COL16A1: variants seen among roughly 807,000 people sequenced by gnomAD.
The protein encoded by COL16A1 is collagen alpha-1(XVI) chain.
Under a neutral mutation model 266.3 loss-of-function variants are expected in COL16A1, and 189 were observed. The ratio of observed to expected loss-of-function variants is 0.71; its 90% CI spans 0.63 to 0.80. The LOEUF (loss-of-function observed/expected upper bound fraction) is 0.80, where lower values mean the gene tolerates loss of function less well. Among genes scored for constraint, COL16A1 ranks in the 30% least tolerant of loss-of-function variants. The pLI is 0.00. For missense variants in COL16A1, 1,928 were observed against 2,122.4 expected, an observed-to-expected ratio of 0.91 and a Z score of 1.80; for synonymous variants, 740 against 782.3, an observed-to-expected ratio of 0.95 and a Z score of 0.90.
chr1:31,670,432 T>G lies in COL16A1; in HGVS notation c.3195+170A>C. On this transcript the variant is annotated intron_variant, in intron 49 of 70. Transcript: ENST00000373672. The surrounding 1 kb of genome is among the most constrained non-coding windows in gnomAD (Gnocchi z 4.5). ...GGAAAGGAGTCAGAGACTGGGAGGA[T>G]GTCCAAGCTGCCGGGACCTCAGAGA... The G allele has an allele frequency of 2.7e-6, 2 of 740,010 alleles. No homozygotes were observed. Among genetic ancestry groups the G allele is most frequent in the Non-Finnish European group, 3.9e-6 (2 of 513,478 alleles). The allele number at this position is 740,010 out of a possible 1,614,324, so 45.8% of individuals were successfully genotyped here.
chr1:31,700,521 A>G (rs1227292580), intron 2 of COL16A1, among the ~76,000 whole-genome samples: 1 of 152,224 alleles, frequency 6.6e-6, no homozygotes, highest in Admixed American at 6.5e-5. Flanking sequence ...CCTCCATGAC[A>G]TACACCCAGG....
At chr1:31,703,189 G>A (rs985321127) in intron 1 of COL16A1, among the ~76,000 whole-genome samples, 1 of 152,198 alleles carries the variant, frequency 6.6e-6, no homozygotes, top group Non-Finnish European at 1.5e-5. Flanking sequence ...ACCCACATGC[G>A]CACAGCCAGC....
intron 1 of COL16A1, among the ~76,000 whole-genome samples, chr1:31,703,464 TC>T (rs1401207336): frequency 1.3e-5 from 2 of 152,070 alleles, no homozygotes; most frequent in Non-Finnish European, 2.9e-5. Context: ...ATCCTGGTCT[TC>T]CTCCTGCCAG....
intron 68 of COL16A1, 103 bp downstream of exon 68, chr1:31,654,689 C>T: frequency 6.3e-7 from 1 of 1,597,610 alleles, no homozygotes; most frequent in South Asian, 1.1e-5. Flanking sequence ...AGGGTGAGAG[C>T]AGGAGGACAT....
At chr1:31,693,035 C>T in intron 13 of COL16A1, 57 bp downstream of exon 13, 2 of 1,207,854 alleles carry the variant, frequency 1.7e-6, no homozygotes, top group South Asian at 2.5e-5. Context: ...CACATCCCAC[C>T]TCACCCCAGG....
chr1:31,692,143 G>A (rs1644299372), intron 16 of COL16A1, 76 bp from the exon 17 acceptor site: 6 of 1,600,492 alleles, frequency 3.7e-6, no homozygotes, highest in South Asian at 1.1e-5. Flanking sequence ...CTGGTGGAGG[G>A]ACAACTGCCT....
At position 31,668,793 on chromosome 1, in the gene COL16A1, T is replaced by G. The variant is rs926521174; in HGVS notation, c.3249+9A>C. On this transcript the variant is annotated intron_variant, in intron 50 of 70. Transcript: ENST00000373672. This position sits in a 1 kb window ranked among gnomAD's most constrained non-coding sequence, Gnocchi z 5.8. ...CAGCCCTTTCCAGCCCCTGCCAGCTTCTTCTTACCGGCTCCCCCTTGTCTC... is the reference window on the plus strand; with the variant it reads ...CAGCCCTTTCCAGCCCCTGCCAGCTGCTTCTTACCGGCTCCCCCTTGTCTC... 3.7e-6 allele frequency: 6 copies of G among 1,613,528 alleles called. No individual in the cohort carries two copies. In the African/African-American group the frequency reaches 6.7e-5, roughly 18 times the overall value.
intron 66 of COL16A1, chr1:31,655,844 A>G (rs751618069): frequency 3.8e-5 from 13 of 339,848 alleles, no homozygotes; most frequent in East Asian, 3.3e-4. Flanking sequence ...CTCACTGGTG[A>G]TGATTCTCTG....
chr1:31,662,466 T>A, intron 57 of COL16A1, 79 bp from the exon 58 acceptor site: 1 of 1,567,650 alleles, frequency 6.4e-7, no homozygotes, highest in Non-Finnish European at 8.7e-7. Flanking sequence ...ACCCCTCAAT[T>A]CTCTCCACCC....
chr1:31,668,790 G>A lies in COL16A1; in HGVS notation c.3249+12C>T, dbSNP rs771631363. 3.7e-6 allele frequency: 6 copies of A among 1,613,648 alleles called. No homozygotes were observed. Among genetic ancestry groups the A allele is most frequent in the South Asian group, 3.3e-5 (3 of 91,080 alleles). On this transcript the variant is annotated intron_variant, in intron 50 of 70. Transcript: ENST00000373672. This position sits in a 1 kb window ranked among gnomAD's most constrained non-coding sequence, Gnocchi z 5.8. ...TTCCAGCCCTTTCCAGCCCCTGCCAGCTTCTTCTTACCGGCTCCCCCTTGT... is the reference window on the plus strand; with the variant it reads ...TTCCAGCCCTTTCCAGCCCCTGCCAACTTCTTCTTACCGGCTCCCCCTTGT...
chr1:31,695,176 A>G lies in COL16A1; in HGVS notation c.981+10T>C, dbSNP rs1015539408. 1.9e-6 allele frequency: 3 copies of G among 1,613,634 alleles called. No individual in the cohort carries two copies. ...GCCCGCTCCACCCTGCACACCCTCC[A>G]TTCACTCACATTGCTGTCCCGGGCA... On this transcript the variant is annotated intron_variant, in intron 11 of 70. Coordinates refer to ENST00000373672, the MANE Select transcript of COL16A1 (RefSeq NM_001856.4).
chr1:31,691,398 G>A lies in COL16A1; in HGVS notation c.1398+19C>T, dbSNP rs1261421065. 1.2e-6 allele frequency: 2 copies of A among 1,602,526 alleles called. No homozygotes were observed. The highest frequency in any genetic ancestry group is 1.7e-6 in the Non-Finnish European group (2 of 1,173,408). On this transcript the variant is annotated intron_variant, in intron 19 of 70. Transcript: ENST00000373672. ...GGTCTCTGAGAAAAGCACAGCAGGA[G>A]AAGCAAGGGGGTACTCACCGGGGTC...
intron 12 of COL16A1, 49 bp downstream of exon 12, chr1:31,694,095 T>C: frequency 6.4e-7 from 1 of 1,567,706 alleles, no homozygotes. Context: ...TGGGAATGGC[T>C]GGGGATGCTA....
chr1:31,673,037 C>T (rs892583259), intron 44 of COL16A1, 197 bp from the exon 45 acceptor site: 2 of 658,100 alleles, frequency 3.0e-6, no homozygotes, highest in Non-Finnish European at 5.6e-6. Context: ...CAACAATTGG[C>T]TTTGAGTTTC....
Position 31,679,665 on chromosome 1 carries a change from T to A in COL16A1, c.2739A>T (p.Gly913=). 1 of 1,614,034 alleles carries A rather than the reference T, an allele frequency of 6.2e-7. No homozygotes were observed. Residue 913 remains glycine (G), a synonymous_variant, in exon 42 of 71, where the codon GGA becomes GGT. Transcript: ENST00000373672. ...CAGGTACTCCAGGGGGGCCTGGTGG[T>A]CCGGGAATACCTGGTGGACCCTGAG... ...PGPQGPPGIP[G]PPGPPGVPGL... is the part of the protein sequence containing the mutation.
intron 31 of COL16A1, 113 bp downstream of exon 31, chr1:31,684,410 C>T: frequency 6.6e-7 from 1 of 1,516,686 alleles, no homozygotes; most frequent in East Asian, 2.3e-5. Flanking sequence ...CGCTCAGTGA[C>T]TCTGACAGCC....
intron 42 of COL16A1, among the ~76,000 whole-genome samples, chr1:31,678,090 T>C (rs576344427): frequency 2.6e-5 from 4 of 151,352 alleles, no homozygotes; most frequent in Admixed American, 6.6e-5. Flanking sequence ...GCACTTCCAA[T>C]AGGGTAGAGA....
chr1:31,662,768 C>A, intron 56 of COL16A1, 110 bp from the exon 57 acceptor site: 1 of 1,169,218 alleles, frequency 8.6e-7, no homozygotes, highest in Non-Finnish European at 1.2e-6. Flanking sequence ...CTGCTGGAAA[C>A]AGGACAGCTG....
At chr1:31,662,731 C>T in intron 56 of COL16A1, 73 bp from the exon 57 acceptor site, 1 of 1,450,548 alleles carries the variant, frequency 6.9e-7, no homozygotes, top group Non-Finnish European at 9.3e-7. Context: ...CCATGGAGAC[C>T]AGGCCCTGGG....
Sources: gnomAD v4.1 joint callset for allele counts (sites outside exome capture counted in the v4.1 genomes callset) on GRCh38, gnomAD v4.1.1 for gene constraint, Gnocchi (gnomAD v3.1) non-coding constraint, MANE v1.5 for transcripts, NCBI Gene and HGNC (gene_info 2026-07-23, HGNC 2026-07-21) for gene names.